PRKN: variants seen among roughly 807,000 people sequenced by gnomAD.
PRKN encodes parkin RBR E3 ubiquitin protein ligase, also known as E3 ubiquitin-protein ligase parkin.
A neutral mutation model predicts 59.5 loss-of-function variants in PRKN; 56 were observed. The observed-to-expected ratio is 0.94, with a 90% CI of 0.76 to 1.18. The LOEUF is 1.18. Among genes scored for constraint, PRKN ranks in the 50% most tolerant of loss-of-function variants. The pLI, the probability that PRKN is intolerant of heterozygous loss-of-function variation, is 0.00. For missense variants in PRKN, 657 were observed against 596.4 expected (o/e 1.10, Z -1.06); for synonymous variants, 250 against 222.1 (o/e 1.13, Z -1.12).
intron 9 of PRKN, among the ~76,000 whole-genome samples, chr6:161,491,226 T>C (rs1052874445): frequency 6.6e-6 from 1 of 152,170 alleles, no homozygotes; most frequent in African/African-American, 2.4e-5. Flanking sequence ...AAACTTCGTA[T>C]GGACAGTTGG....
intron 1 of PRKN, among the ~76,000 whole-genome samples, chr6:162,542,899 C>T (rs983196688): frequency 2.6e-5 from 4 of 152,042 alleles, no homozygotes; most frequent in Non-Finnish European, 5.9e-5. Context: ...CTCACTGCTC[C>T]GCCGAGTGCC....
At chr6:161,392,813 A>AT (rs1462882860) in intron 9 of PRKN, among the ~76,000 whole-genome samples, 11 of 152,162 alleles carry the variant, frequency 7.2e-5, no homozygotes, top group African/African-American at 2.7e-4. Context: ...CAATAAGCCA[A>AT]TTTTTTTCTA....
intron 1 of PRKN, among the ~76,000 whole-genome samples, chr6:162,707,957 T>C (rs1778396131): frequency 6.6e-6 from 1 of 152,132 alleles, no homozygotes; most frequent in South Asian, 2.1e-4. Context: ...TCAAGTGATC[T>C]GCCCACCTTG....
At chr6:161,912,086 G>A (rs1175513704) in intron 6 of PRKN, among the ~76,000 whole-genome samples, 2 of 151,750 alleles carry the variant, frequency 1.3e-5, no homozygotes, top group Non-Finnish European at 2.9e-5. Flanking sequence ...GCTGAGGCAG[G>A]AGAATTGCTT....
At chr6:162,523,373 C>T (rs1778150614) in intron 1 of PRKN, among the ~76,000 whole-genome samples, 1 of 152,036 alleles carries the variant, frequency 6.6e-6, no homozygotes. Flanking sequence ...GAAAGAAAAA[C>T]TCCATTGGGC....
intron 1 of PRKN, among the ~76,000 whole-genome samples, chr6:162,655,077 C>T (rs1032863884): frequency 1.3e-5 from 2 of 152,052 alleles, no homozygotes; most frequent in Non-Finnish European, 2.9e-5. Context: ...TGCTATTCAT[C>T]TTTTTCATAA....
chr6:161,388,476 A>G lies in PRKN; in HGVS notation c.1084-1599T>C, dbSNP rs1027750461. On this transcript the variant is annotated intron_variant, in intron 9 of 11. Transcript: ENST00000366898. This position sits in a 1 kb window ranked among gnomAD's most constrained non-coding sequence, Gnocchi z 4.3. ...CCACAGCAGAAACTGTATTCAGAGA[A>G]GGCATTTCAGCAGAGGAGAGAGTGC... is the stretch of plus-strand genomic sequence containing the variant. Among the ~76,000 whole-genome samples the G allele has an allele frequency of 6.6e-6, 1 of 152,218 alleles. No individual in the cohort carries two copies. Among genetic ancestry groups the G allele is most frequent in the East Asian group, 1.9e-4 (1 of 5,190 alleles).
intron 1 of PRKN, among the ~76,000 whole-genome samples, chr6:162,494,119 T>C (rs1486648165): frequency 6.6e-6 from 1 of 152,198 alleles, no homozygotes; most frequent in East Asian, 1.9e-4. Context: ...CAGAATCCCA[T>C]TCTCTCCATG....
At chr6:161,415,977 C>A (rs1787831004) in intron 9 of PRKN, among the ~76,000 whole-genome samples, 1 of 152,024 alleles carries the variant, frequency 6.6e-6, no homozygotes, top group South Asian at 2.1e-4. Flanking sequence ...CCCTCCGGGT[C>A]CCGTCTTTAC....
intron 9 of PRKN, among the ~76,000 whole-genome samples, chr6:161,510,366 G>A (rs1423395268): frequency 2.0e-5 from 3 of 151,846 alleles, no homozygotes; most frequent in African/African-American, 7.2e-5. Flanking sequence ...CCCTGAGGTC[G>A]CCAGTGAGGC....
intron 5 of PRKN, among the ~76,000 whole-genome samples, chr6:162,037,780 C>T (rs182962062): frequency 3.9e-5 from 6 of 151,992 alleles, no homozygotes; most frequent in Admixed American, 3.9e-4. Flanking sequence ...CTCTTGACCT[C>T]GTGATCCACC....
At chr6:161,639,813 C>G (rs1423754272) in intron 7 of PRKN, among the ~76,000 whole-genome samples, 1 of 152,192 alleles carries the variant, frequency 6.6e-6, no homozygotes, top group Non-Finnish European at 1.5e-5. Flanking sequence ...ATTGGATTCC[C>G]TCATCCTGTA....
chr6:162,489,465 A>C (rs1035426084), intron 1 of PRKN, among the ~76,000 whole-genome samples: 1 of 152,206 alleles, frequency 6.6e-6, no homozygotes, highest in African/African-American at 2.4e-5. Flanking sequence ...TCTATCCCAC[A>C]AAAAAGTATG....
At chr6:162,403,903 C>G (rs1457319664) in intron 2 of PRKN, among the ~76,000 whole-genome samples, 1 of 152,158 alleles carries the variant, frequency 6.6e-6, no homozygotes, top group Non-Finnish European at 1.5e-5. Context: ...GTTTTTACTT[C>G]TCTTTCTCCT....
intron 7 of PRKN, among the ~76,000 whole-genome samples, chr6:161,734,781 T>C (rs1265496885): frequency 6.6e-6 from 1 of 152,210 alleles, no homozygotes; most frequent in Non-Finnish European, 1.5e-5. Context: ...GAATAAGGTA[T>C]GTACACTCTG....
At chr6:162,157,955 T>A (rs1583122291) in intron 4 of PRKN, among the ~76,000 whole-genome samples, 1 of 152,204 alleles carries the variant, frequency 6.6e-6, no homozygotes, top group East Asian at 1.9e-4. Context: ...AACTTCTTAA[T>A]TTAATATCTG....
At chr6:162,203,984 C>T (rs1784836675) in intron 3 of PRKN, among the ~76,000 whole-genome samples, 1 of 152,090 alleles carries the variant, frequency 6.6e-6, no homozygotes, top group South Asian at 2.1e-4. Context: ...GTTTGGGTTC[C>T]CTGTGCGCGT....
chr6:162,493,616 TGAA>T (rs1273775398), intron 1 of PRKN, among the ~76,000 whole-genome samples: 3 of 152,324 alleles, frequency 2.0e-5, no homozygotes, highest in Non-Finnish European at 4.4e-5. Flanking sequence ...ATATGAGCAG[TGAA>T]GAAGATAAAT....
chr6:161,634,813 C>T (rs893482458), intron 7 of PRKN, among the ~76,000 whole-genome samples: 7 of 152,180 alleles, frequency 4.6e-5, no homozygotes, highest in African/African-American at 9.6e-5. Context: ...TCAACAAATG[C>T]GAGTACTTTC....
Sources: allele counts gnomAD v4.1 joint callset (sites outside exome capture counted in the v4.1 genomes callset), GRCh38; gene constraint gnomAD v4.1.1; non-coding constraint Gnocchi (gnomAD v3.1); transcripts MANE v1.5; gene names NCBI Gene and HGNC (gene_info 2026-07-23, HGNC 2026-07-21).